PCDHGA11: variants seen among roughly 807,000 people sequenced by gnomAD.
PCDHGA11 encodes the protein protocadherin gamma-A11.
In PCDHGA11, 39 loss-of-function variants were observed where a neutral mutation model predicts 60.4. The ratio of observed to expected loss-of-function variants is 0.65; its 90% CI spans 0.50 to 0.84. The LOEUF (loss-of-function observed/expected upper bound fraction) is 0.84. PCDHGA11 is among the 40% of genes least tolerant of loss of function. The probability of loss-of-function intolerance (pLI) is 0.00; values close to 1 mark genes in which losing one functional copy is unlikely to be tolerated. For missense variants in PCDHGA11, 1,165 were observed against 1,197.7 expected (o/e 0.97, Z 0.40); for synonymous variants, 533 against 510.3 (o/e 1.04, Z -0.60).
Position 141,423,412 on chromosome 5 carries a change from T to C in PCDHGA11, c.2185T>C (p.Ser729Pro), listed in dbSNP as rs754410783. 4 of 1,614,166 alleles carry C rather than the reference T, an allele frequency of 2.5e-6. No individual in the cohort carries two copies. The Admixed American group carries it at 6.7e-5, about 27-fold the overall frequency. The stretch of plus-strand genomic sequence containing the variant: ...GCATAAGTCACGCCTGCTGCAGGCT[T>C]CTGAAGGCGGGTTGGCAGGTATGCC... ...RWHKSRLLQA[S>P]EGGLAGMPTS... The change falls in exon 1 of 4, where the codon TCT becomes CCT. Residue 729 changes from serine (S) to proline (P), a missense_variant. By Grantham distance (74) the Ser-to-Pro change is moderately conservative. Coordinates refer to ENST00000398587, the MANE Select transcript of PCDHGA11 (RefSeq NM_018914.3).
At chr5:141,469,372 C>A (rs780872014) in intron 1 of PCDHGA11, among the ~76,000 whole-genome samples, 1 of 151,990 alleles carries the variant, frequency 6.6e-6, no homozygotes, top group East Asian at 1.9e-4. Context: ...GTAAAGAGAT[C>A]GAGACCATCC....
chr5:141,505,322 G>A, intron 2 of PCDHGA11, 71 bp from the exon 3 acceptor site: 1 of 1,606,332 alleles, frequency 6.2e-7, no homozygotes, highest in African/African-American at 1.3e-5. Context: ...TGGGAGCCCT[G>A]GGAGAGGACA....
chr5:141,478,977 T>G (rs1004184325), intron 1 of PCDHGA11, among the ~76,000 whole-genome samples: 12 of 152,210 alleles, frequency 7.9e-5, no homozygotes, highest in Admixed American at 5.2e-4. Flanking sequence ...TTCAAGTGAT[T>G]GTGACATTTG....
At chr5:141,455,375 G>A (rs1247820974) in intron 1 of PCDHGA11, among the ~76,000 whole-genome samples, 1 of 152,132 alleles carries the variant, frequency 6.6e-6, no homozygotes, top group Non-Finnish European at 1.5e-5. Context: ...GAAGGGAGAA[G>A]ACAGAAGGAA....
In PCDHGA11 at chr5:141,511,539, C is replaced by CGAGAT; in HGVS notation, c.*366_*367insGAGAT. 3.0e-6 allele frequency: 1 copy of CGAGAT among 328,342 alleles called. No individual in the cohort carries two copies. Among genetic ancestry groups the CGAGAT allele is most frequent in the South Asian group, 3.2e-5 (1 of 31,708 alleles). 20.3% of individuals were successfully genotyped at this position (328,342 alleles called of 1,614,324 possible). On this transcript the variant is annotated 3_prime_UTR_variant, in exon 4 of 4. Transcript: ENST00000398587. ...CATCCCATGCCTCCCTCCTCCCCAC[C>CGAGAT]CCACTCCAACAGTTCCTCTTTCCCG...
rs1241784107 is a variant in PCDHGA11, at chr5:141,422,216, C to T, written c.989C>T (p.Thr330Ile). Residue 330 changes from threonine to isoleucine, a missense_variant, in exon 1 of 4, where the codon ACC (threonine) becomes ATC (isoleucine). Physicochemically the swap from Thr to Ile is moderately conservative, Grantham distance 89. Transcript: ENST00000398587. ...IQGQDGGGLF[T>I]TTTMLITVVD... ...GGCCAAGATGGTGGAGGTCTCTTTA[C>T]CACCACGACGATGTTGATCACTGTT... 6.4e-7 allele frequency: 1 copy of T among 1,563,862 alleles called. No individual in the cohort carries two copies. The highest frequency in any genetic ancestry group is 1.4e-5 in the African/African-American group (1 of 72,738).
At position 141,511,481 on chromosome 5, in the gene PCDHGA11, ACTC is replaced by A. The variant is rs2154594681; in HGVS notation, c.*313_*315del. On this transcript the variant is annotated 3_prime_UTR_variant, in exon 4 of 4. Coordinates refer to ENST00000398587, the MANE Select transcript of PCDHGA11 (RefSeq NM_018914.3). ...CCACACCCCGTTTAGTTACAGCTGAACTCCTCCATCTTCCAAATCAATCAGGCC... is the reference window on the plus strand; with the variant it reads ...CCACACCCCGTTTAGTTACAGCTGAACTCCATCTTCCAAATCAATCAGGCC... 2 of 464,080 alleles carry A rather than the reference ACTC, an allele frequency of 4.3e-6. No individual in the cohort carries two copies. The highest frequency in any genetic ancestry group is 7.7e-6 in the Non-Finnish European group (2 of 260,856). The allele number at this position is 464,080 out of a possible 1,614,324, so 28.7% of individuals were successfully genotyped here.
intron 1 of PCDHGA11, among the ~76,000 whole-genome samples, chr5:141,450,267 C>T (rs971441306): frequency 4.6e-5 from 7 of 152,106 alleles, no homozygotes; most frequent in African/African-American, 1.7e-4. Context: ...ATCTGCCCAC[C>T]TCAGCTAAGT....
At chr5:141,499,908 G>A (rs903753761) in intron 2 of PCDHGA11, among the ~76,000 whole-genome samples, 2 of 151,980 alleles carry the variant, frequency 1.3e-5, no homozygotes, top group African/African-American at 2.4e-5. Flanking sequence ...GGCTGGTCTT[G>A]AACTCCTGGC....
rs1014975146 is a variant in PCDHGA11, at chr5:141,423,525, G to A, written c.2298G>A (p.Lys766=). 8 of 1,613,710 alleles carry A rather than the reference G, an allele frequency of 5.0e-6. No individual in the cohort carries two copies. The highest frequency in any genetic ancestry group is 2.7e-5 in the African/African-American group (2 of 74,924). ...TCTCTCTCATTGCGGACTCGCAGAA[G>A]AGTCACCTGATTTTCCCCCAGCCCA... ...HEVSLIADSQ[K]SHLIFPQPNY... The change falls in exon 1 of 4, where the codon AAG becomes AAA. Residue 766 remains lysine, a synonymous_variant. Transcript: ENST00000398587.
intron 3 of PCDHGA11, among the ~76,000 whole-genome samples, chr5:141,505,793 GGACTTGGATC>G (rs2099848390): frequency 6.6e-6 from 1 of 152,142 alleles, no homozygotes; most frequent in Non-Finnish European, 1.5e-5. Flanking sequence ...ACTATCCTTG[GGACTTGGATC>G]GACTTGCTCA....
chr5:141,430,996 G>T, intron 1 of PCDHGA11: 1 of 1,614,024 alleles, frequency 6.2e-7, no homozygotes, highest in Middle Eastern at 1.6e-4. Flanking sequence ...CCCTGAATCC[G>T]CGCAGCGGCA....
intron 1 of PCDHGA11, among the ~76,000 whole-genome samples, chr5:141,460,173 A>C (rs2098983888): frequency 6.6e-6 from 1 of 152,004 alleles, no homozygotes; most frequent in Admixed American, 6.6e-5. Flanking sequence ...TATTTTGTGG[A>C]TATTTTATCC....
chr5:141,429,765 T>C (rs897963458), intron 1 of PCDHGA11, among the ~76,000 whole-genome samples: 1 of 152,230 alleles, frequency 6.6e-6, no homozygotes, highest in East Asian at 1.9e-4. Flanking sequence ...TTTCCCTATA[T>C]TTTGATGGGC....
In PCDHGA11 at chr5:141,471,046, CTTT is replaced by C. The variant is rs1170588345; in HGVS notation, c.2434-23743_2434-23741del. ...ATTTTTATTAACAAGCCCAAGCCCT[CTTT>C]TTTTTTTTTTTTTTTTTGAGACAGG... On this transcript the variant is annotated intron_variant, in intron 1 of 3. Coordinates refer to ENST00000398587, the MANE Select transcript of PCDHGA11 (RefSeq NM_018914.3). 4.8e-4 allele frequency among the ~76,000 whole-genome samples: 54 copies of C among 113,240 alleles called. 1 individual carries two copies. Among genetic ancestry groups the C allele is most frequent in the Middle Eastern group, 5.2e-3 (1 of 192 alleles). 74.3% of individuals were successfully genotyped at this position (113,240 alleles called of 152,430 possible).
intron 2 of PCDHGA11, among the ~76,000 whole-genome samples, chr5:141,504,355 C>T (rs974022699): frequency 6.6e-6 from 1 of 152,078 alleles, no homozygotes; most frequent in Non-Finnish European, 1.5e-5. Flanking sequence ...GTGCTAGGTG[C>T]TTCAGTAGGA....
rs1321708353 is a variant in PCDHGA11 at position 141,423,228 on chromosome 5, C to T, written c.2001C>T (p.Asp667=). 1 of 1,613,748 alleles carries T rather than the reference C, an allele frequency of 6.2e-7. No homozygotes were observed. The highest frequency in any genetic ancestry group is 8.5e-7 in the Non-Finnish European group (1 of 1,180,040). ...TCACGCTCACCGTGGCTGTGGCCGACAGCATCCCCGAAGTCCTGGCGGACC... is the reference window on the plus strand; with the variant it reads ...TCACGCTCACCGTGGCTGTGGCCGATAGCATCCCCGAAGTCCTGGCGGACC... ...ATVTLTVAVA[D]SIPEVLADLG... is the part of the protein sequence containing the mutation. Residue 667 remains aspartate, a synonymous_variant, in exon 1 of 4, where the codon GAC becomes GAT. Transcript: ENST00000398587.
rs754141447 is a variant in PCDHGA11 at position 141,421,489 on chromosome 5, G to T, written c.262G>T (p.Ala88Ser). ...TCCGCGAAGCGGCAGCTTGATCACG[G>T]CAGGCAGGATAGACCGGGAGGAGCT... ...VNPRSGSLIT[A>S]GRIDREELCE... Residue 88 changes from alanine to serine, a missense_variant, in exon 1 of 4, where the codon GCA (alanine) becomes TCA (serine). Physicochemically the swap from Ala to Ser is moderately conservative, Grantham distance 99. Transcript: ENST00000398587. 9 of 1,614,094 alleles carry T rather than the reference G, an allele frequency of 5.6e-6. No homozygotes were observed. Among genetic ancestry groups the T allele is most frequent in the Non-Finnish European group, 7.6e-6 (9 of 1,179,922 alleles).
chr5:141,451,521 T>A (rs1164313767), intron 1 of PCDHGA11, among the ~76,000 whole-genome samples: 2 of 152,148 alleles, frequency 1.3e-5, no homozygotes, highest in African/African-American at 4.8e-5. Flanking sequence ...TTAGAGCAAG[T>A]AAAGGAGAGT....
Sources: gnomAD v4.1 joint callset for allele counts (sites outside exome capture counted in the v4.1 genomes callset) on GRCh38, gnomAD v4.1.1 for gene constraint, MANE v1.5 for transcripts, NCBI Gene and HGNC (gene_info 2026-07-23, HGNC 2026-07-21) for gene names.